Variants in JAK2 observed in about 807,000 individuals in gnomAD.
JAK2 encodes Janus kinase 2.
A neutral mutation model predicts 139.3 loss-of-function variants in JAK2; 86 were observed. The observed-to-expected ratio is 0.62, with a 90% CI of 0.52 to 0.74. The LOEUF is 0.74. JAK2 is among the 30% of genes least tolerant of loss of function. The pLI is 0.00. For missense variants in JAK2, 1,421 were observed against 1,360.3 expected, an observed-to-expected ratio of 1.04 and a Z score of -0.70; for synonymous variants, 490 against 437.7, an observed-to-expected ratio of 1.12 and a Z score of -1.49.
chr9:5,114,107 C>A, intron 22 of JAK2: 1 of 356,612 alleles, frequency 2.8e-6, no homozygotes. Flanking sequence ...CCGACCACAC[C>A]TACACCTGCC....
chr9:5,039,139 A>C (rs1005604684), intron 4 of JAK2, among the ~76,000 whole-genome samples: 2 of 152,088 alleles, frequency 1.3e-5, no homozygotes, highest in African/African-American at 2.4e-5. Flanking sequence ...TTAACACTAT[A>C]CTGTAGATTC....
intron 8 of JAK2, among the ~76,000 whole-genome samples, chr9:5,061,644 T>C (rs895063340): frequency 2.6e-5 from 4 of 152,254 alleles, no homozygotes; most frequent in Non-Finnish European, 5.9e-5. Flanking sequence ...TGATCTTCTA[T>C]CTAGAACTTT....
intron 22 of JAK2, among the ~76,000 whole-genome samples, chr9:5,119,429 TAA>T (rs539525091): frequency 6.9e-6 from 1 of 145,474 alleles, no homozygotes. Context: ...AATGAAAGCC[TAA>T]AAAAAAAAGG....
chr9:5,100,786 C>T (rs1821416385), intron 22 of JAK2: 1 of 152,348 alleles, frequency 6.6e-6, no homozygotes, highest in Non-Finnish European at 1.5e-5. Context: ...CTTTGAGGCC[C>T]CTTTTACTAT....
chr9:5,123,164 TTTGA>T, intron 23 of JAK2, 43 bp downstream of exon 23: 1 of 1,349,008 alleles, frequency 7.4e-7, no homozygotes, highest in South Asian at 1.3e-5. Context: ...TGTTTGTTCG[TTTGA>T]TTTTTATAAA....
intron 4 of JAK2, among the ~76,000 whole-genome samples, chr9:5,039,641 TGCAGA>T (rs1816336352): frequency 6.6e-6 from 1 of 152,082 alleles, no homozygotes; most frequent in Non-Finnish European, 1.5e-5. Context: ...TCAGGTCAGT[TGCAGA>T]ATAGAAGATC....
rs1412833866 is a variant in JAK2, at chr9:5,073,774, G to C, written c.1853G>C (p.Cys618Ser). Residue 618 changes from cysteine to serine, a missense_variant, in exon 14 of 25, where the codon TGT becomes TCT. Coordinates refer to ENST00000381652, the MANE Select transcript of JAK2 (RefSeq NM_004972.4). ...GTTTTAAATTATGGAGTATGTGTCT[G>C]TGGAGACGAGAGTAAGTAAAACTAC... ...HLVLNYGVCVCGDENILVQEF... is the reference protein window; with the variant it reads ...HLVLNYGVCVSGDENILVQEF... The C allele has an allele frequency of 5.6e-6, 9 of 1,604,134 alleles. No homozygotes were observed. The highest frequency in any genetic ancestry group is 7.7e-6 in the Non-Finnish European group (9 of 1,171,892).
At chr9:5,016,139 G>A (rs1000701049) in intron 2 of JAK2, among the ~76,000 whole-genome samples, 2 of 152,176 alleles carry the variant, frequency 1.3e-5, no homozygotes, top group Admixed American at 1.3e-4. Context: ...GGAACCTCCC[G>A]CCAAACGCTG....
intron 6 of JAK2, among the ~76,000 whole-genome samples, chr9:5,051,090 C>T (rs1333478899): frequency 6.6e-5 from 10 of 152,040 alleles, no homozygotes; most frequent in Admixed American, 6.6e-4. Flanking sequence ...TGTTGACGTT[C>T]AAAAAGTTCT....
chr9:5,042,131 T>C (rs1289321156), intron 4 of JAK2, among the ~76,000 whole-genome samples: 14 of 87,002 alleles, frequency 1.6e-4, no homozygotes, highest in East Asian at 1.6e-3. Context: ...TTTCTTTTTT[T>C]TTTTTTTTTT....
chr9:5,002,080 T>G (rs189073517), intron 2 of JAK2, among the ~76,000 whole-genome samples: 220 of 152,096 alleles, frequency 1.4e-3, no homozygotes, highest in South Asian at 2.7e-3. Context: ...GTTTGTAAAT[T>G]GATCATCTTA....
intron 20 of JAK2, 96 bp from the exon 21 acceptor site, chr9:5,090,350 C>T: frequency 1.1e-6 from 1 of 894,832 alleles, no homozygotes; most frequent in Non-Finnish European, 1.6e-6. Context: ...TCTTAGATTT[C>T]ATATATGTTT....
chr9:4,994,669 G>T (rs1175026016), intron 2 of JAK2, among the ~76,000 whole-genome samples: 1 of 152,174 alleles, frequency 6.6e-6, no homozygotes, highest in Admixed American at 6.5e-5. Context: ...GCTCATGGCT[G>T]TGTTCTCATA....
At chr9:5,084,894 A>C (rs879836630) in intron 19 of JAK2, 1 of 440,170 alleles carries the variant, frequency 2.3e-6, no homozygotes, top group Non-Finnish European at 4.4e-6. Context: ...GATATCTTTT[A>C]AAATGATTTT....
intron 10 of JAK2, among the ~76,000 whole-genome samples, 158 bp from the exon 11 acceptor site, chr9:5,068,864 A>T (rs570046408): frequency 6.6e-6 from 1 of 152,318 alleles, no homozygotes; most frequent in Non-Finnish European, 1.5e-5. Context: ...TGCCCTTTTG[A>T]GGAACTAAGT....
chr9:5,063,738 G>A lies in JAK2; in HGVS notation c.1057-1145G>A, dbSNP rs150903925. On this transcript the variant is annotated intron_variant, in intron 8 of 24. Coordinates refer to ENST00000381652, the MANE Select transcript of JAK2 (RefSeq NM_004972.4). Reference sequence around the variant, plus strand: ...TAATTATTGATATTGCATCCTCTTTGTTACAAATGGGGCTTTTTTCATTAT... The same window carrying A: ...TAATTATTGATATTGCATCCTCTTTATTACAAATGGGGCTTTTTTCATTAT... Among the ~76,000 whole-genome samples, 49 of 152,222 alleles carry A rather than the reference G, an allele frequency of 3.2e-4. No individual in the cohort carries two copies. The East Asian group carries it at 9.5e-3, about 29-fold the overall frequency.
intron 22 of JAK2, chr9:5,112,160 TG>T: frequency 3.5e-6 from 1 of 284,400 alleles, no homozygotes. Flanking sequence ...GTGCACACGC[TG>T]CTACCCGGCC....
At chr9:5,080,027 T>C (rs1414324123) in intron 16 of JAK2, among the ~76,000 whole-genome samples, 1 of 152,204 alleles carries the variant, frequency 6.6e-6, no homozygotes, top group Non-Finnish European at 1.5e-5. Context: ...TTGTTAAAGA[T>C]GAAATATTGA....
In JAK2 at chr9:5,015,540, T is replaced by G. The variant is rs1005057180; in HGVS notation, c.-25-6423T>G. Among the ~76,000 whole-genome samples, 15 of 37,500 alleles carry G rather than the reference T, an allele frequency of 4.0e-4. 1 individual carries two copies. The East Asian group carries it at 7.1e-3, about 18-fold the overall frequency. The allele number at this position is 37,500 out of a possible 152,430, so 24.6% of individuals were successfully genotyped here. A position where few individuals can be genotyped will look rare whatever the true frequency, so the allele number is the denominator to read the frequency against. The stretch of plus-strand genomic sequence containing the variant: ...TGTATTCTTTTTCTTTTTCTTTTCT[T>G]TTTTTTTTTTTTGAGACAAGGTCTC... On this transcript the variant is annotated intron_variant, in intron 2 of 24. Transcript: ENST00000381652.
Sources: allele counts gnomAD v4.1 joint callset (sites outside exome capture counted in the v4.1 genomes callset), GRCh38; gene constraint gnomAD v4.1.1; transcripts MANE v1.5; gene names NCBI Gene and HGNC (gene_info 2026-07-23, HGNC 2026-07-21).